FAT3: variants seen among roughly 807,000 people sequenced by gnomAD.
The protein encoded by FAT3 is protocadherin Fat 3.
FAT3 carries 95 observed loss-of-function variants against 310.2 expected under a neutral mutation model. That is an observed-to-expected ratio of 0.31 (90% CI 0.26 to 0.36). The LOEUF is 0.36. Among genes scored for constraint, FAT3 ranks in the 10% least tolerant of loss-of-function variants. The probability of loss-of-function intolerance (pLI) is 1.00; values close to 1 mark genes in which losing one functional copy is unlikely to be tolerated. For synonymous variants in FAT3, 2,314 were observed against 2,192.9 expected (o/e 1.06, Z -1.54); for missense variants, 5,408 against 5,715.6 (o/e 0.95, Z 1.74).
intron 2 of FAT3, among the ~76,000 whole-genome samples, chr11:92,473,403 A>G (rs1951963039): frequency 6.6e-6 from 1 of 152,002 alleles, no homozygotes; most frequent in African/African-American, 2.4e-5. Context: ...CACACCTTCT[A>G]TCTGTCTTTA....
chr11:92,315,502 T>G (rs1029767331), intron 1 of FAT3, among the ~76,000 whole-genome samples: 91 of 91,716 alleles, frequency 9.9e-4, no homozygotes, highest in Middle Eastern at 5.9e-3. Context: ...TATATATATA[T>G]ATATATATAT....
intron 3 of FAT3, among the ~76,000 whole-genome samples, chr11:92,538,966 A>G (rs1393924812): frequency 6.6e-6 from 1 of 152,164 alleles, no homozygotes; most frequent in Non-Finnish European, 1.5e-5. Flanking sequence ...GCCTCTGCCA[A>G]TGACCATTTT....
intron 24 of FAT3, among the ~76,000 whole-genome samples, chr11:92,885,305 T>C (rs1270334045): frequency 6.6e-6 from 1 of 152,180 alleles, no homozygotes; most frequent in African/African-American, 2.4e-5. Flanking sequence ...CAGGCCATCA[T>C]TCCACGGAGG....
intron 4 of FAT3, among the ~76,000 whole-genome samples, chr11:92,706,054 A>G (rs1944336914): frequency 6.7e-6 from 1 of 149,348 alleles, no homozygotes; most frequent in African/African-American, 2.5e-5. Flanking sequence ...GATGATGGAG[A>G]TGAGGGTGGT....
At chr11:92,784,898 A>G (rs1946847935) in intron 7 of FAT3, among the ~76,000 whole-genome samples, 1 of 151,994 alleles carries the variant, frequency 6.6e-6, no homozygotes, top group Admixed American at 6.6e-5. Flanking sequence ...TCCTCCCATT[A>G]ATATAACTGA....
intron 2 of FAT3, among the ~76,000 whole-genome samples, chr11:92,489,868 T>C (rs560654266): frequency 6.6e-6 from 1 of 151,450 alleles, no homozygotes; most frequent in African/African-American, 2.4e-5. Flanking sequence ...AAATGAGTTT[T>C]CGTAGTTTTT....
intron 1 of FAT3, among the ~76,000 whole-genome samples, chr11:92,251,509 G>A (rs193024365): frequency 2.0e-5 from 3 of 152,202 alleles, no homozygotes; most frequent in East Asian, 3.9e-4. Context: ...TGATCTGATT[G>A]TAGATTTTTC....
intron 2 of FAT3, among the ~76,000 whole-genome samples, chr11:92,448,187 G>A (rs1951265544): frequency 6.6e-6 from 1 of 152,106 alleles, no homozygotes; most frequent in Non-Finnish European, 1.5e-5. Context: ...TTATGAAAGT[G>A]CTTGGAACAA....
At chr11:92,836,451 A>G (rs889537436) in intron 15 of FAT3, 115 bp from the exon 16 acceptor site, 1 of 1,200,568 alleles carries the variant, frequency 8.3e-7, no homozygotes, top group African/African-American at 1.6e-5. Flanking sequence ...TAGAGAGCAG[A>G]GCTCCCGAGA....
chr11:92,795,630 G>A (rs1360249589), intron 9 of FAT3, among the ~76,000 whole-genome samples: 2 of 152,050 alleles, frequency 1.3e-5, no homozygotes, highest in African/African-American at 4.8e-5. Context: ...TCTACTTGAG[G>A]CCAGGCACAG....
At chr11:92,850,613 G>C (rs532356254) in intron 19 of FAT3, among the ~76,000 whole-genome samples, 6 of 152,200 alleles carry the variant, frequency 3.9e-5, no homozygotes, top group Admixed American at 1.3e-4. Flanking sequence ...CCAGGACATG[G>C]CATGTGGGTA....
At chr11:92,272,415 AT>A (rs1379046651) in intron 1 of FAT3, among the ~76,000 whole-genome samples, 2 of 152,160 alleles carry the variant, frequency 1.3e-5, no homozygotes, top group Non-Finnish European at 2.9e-5. Context: ...CATATTGTGA[AT>A]TACTAAGTAG....
chr11:92,774,059 C>T lies in FAT3; in HGVS notation c.4214C>T (p.Ala1405Val), dbSNP rs1374052092. The part of the protein sequence containing the change: ...FDIVGGNFDS[A>V]FDAEKGVGTI... ...TCATCAGGGGGGAATTTTGACAGCG[C>T]TTTTGATGCAGAGAAGGGTGTTGGG... The change falls in exon 7 of 28, where the codon GCT (alanine) becomes GTT (valine). Residue 1405 changes from alanine (A) to valine (V), a missense_variant. By Grantham distance (64) the Ala-to-Val change is moderately conservative. Around this residue, in one of 5 missense-constraint regions of FAT3, gnomAD observed 4,588 missense variants for 4,809.8 expected, o/e 0.95. Transcript: ENST00000525166. 6 of 1,612,886 alleles carry T rather than the reference C, an allele frequency of 3.7e-6. No individual in the cohort carries two copies. The South Asian group carries it at 5.5e-5, about 15-fold the overall frequency.
At chr11:92,837,852 T>C (rs1166423497) in intron 17 of FAT3, 46 bp downstream of exon 17, 1 of 1,610,978 alleles carries the variant, frequency 6.2e-7, no homozygotes, top group Non-Finnish European at 8.5e-7. Context: ...TGCATTCAGC[T>C]TTCTTCCTCT....
At chr11:92,678,585 A>G (rs1402737137) in intron 3 of FAT3, among the ~76,000 whole-genome samples, 1 of 152,130 alleles carries the variant, frequency 6.6e-6, no homozygotes, top group Non-Finnish European at 1.5e-5. Flanking sequence ...GATAGCAAGA[A>G]TGCTGATCTT....
At chr11:92,429,820 A>G (rs1265415031) in intron 2 of FAT3, among the ~76,000 whole-genome samples, 1 of 151,792 alleles carries the variant, frequency 6.6e-6, no homozygotes, top group African/African-American at 2.4e-5. Context: ...TTTTTCCTTC[A>G]TTTCAATCTT....
chr11:92,231,100 G>A (rs1023198118), intron 1 of FAT3, among the ~76,000 whole-genome samples: 4 of 152,146 alleles, frequency 2.6e-5, no homozygotes, highest in African/African-American at 9.7e-5. Context: ...CTATCCCCTT[G>A]TGGTCTCCCA....
intron 12 of FAT3, among the ~76,000 whole-genome samples, chr11:92,808,722 A>G (rs1947578534): frequency 1.3e-5 from 2 of 152,074 alleles, no homozygotes; most frequent in African/African-American, 4.8e-5. Flanking sequence ...TCAGGAGATC[A>G]AGACCATCCT....
chr11:92,455,663 A>T (rs182308285), intron 2 of FAT3, among the ~76,000 whole-genome samples: 1 of 152,238 alleles, frequency 6.6e-6, no homozygotes, highest in African/African-American at 2.4e-5. Flanking sequence ...TGGTGATATA[A>T]AGCACAAACT....
Sources: gnomAD v4.1 joint callset for allele counts (sites outside exome capture counted in the v4.1 genomes callset) on GRCh38, gnomAD v4.1.1 for gene constraint, gnomAD v4.1.1 regional missense constraint, MANE v1.5 for transcripts, NCBI Gene and HGNC (gene_info 2026-07-23, HGNC 2026-07-21) for gene names.